The following DCC variants were observed in gnomAD, a reference collection of about 807,000 sequenced individuals.
DCC encodes the protein netrin receptor DCC.
Under a neutral mutation model 172.5 loss-of-function variants are expected in DCC, and 58 were observed. The ratio of observed to expected loss-of-function variants is 0.34; its 90% CI spans 0.27 to 0.42. The LOEUF (loss-of-function observed/expected upper bound fraction) is 0.42, where lower values mean the gene tolerates loss of function less well. Ranked by LOEUF, DCC falls within the 10% of genes least tolerant of loss-of-function variation. DCC has a pLI of 1.00. For synonymous variants in DCC, 709 were observed against 644.5 expected, an observed-to-expected ratio of 1.10 and a Z score of -1.52; for missense variants, 1,740 against 1,791.0, an observed-to-expected ratio of 0.97 and a Z score of 0.51.
At chr18:52,651,510 T>C (rs2035130465) in intron 1 of DCC, among the ~76,000 whole-genome samples, 1 of 152,070 alleles carries the variant, frequency 6.6e-6, no homozygotes, top group African/African-American at 2.4e-5. Context: ...TTTTTTTTTT[T>C]TTTTGCAGAT....
intron 1 of DCC, among the ~76,000 whole-genome samples, chr18:52,731,347 G>A (rs1030882765): frequency 6.6e-6 from 1 of 152,194 alleles, no homozygotes; most frequent in Non-Finnish European, 1.5e-5. Context: ...TGAGGAATGA[G>A]GGAGTAGGCT....
At chr18:53,218,852 AATAC>A (rs1049895825) in intron 12 of DCC, among the ~76,000 whole-genome samples, 1 of 152,186 alleles carries the variant, frequency 6.6e-6, no homozygotes, top group African/African-American at 2.4e-5. Flanking sequence ...ATATATTTCA[AATAC>A]ATACTACAAC....
chr18:52,770,334 G>T (rs1364460654), intron 2 of DCC, among the ~76,000 whole-genome samples: 6 of 152,104 alleles, frequency 3.9e-5, no homozygotes, highest in Non-Finnish European at 5.9e-5. Context: ...TTAGCTCATT[G>T]CTCTGTTCAT....
At chr18:53,392,784 A>G (rs1220514645) in intron 17 of DCC, among the ~76,000 whole-genome samples, 1 of 152,220 alleles carries the variant, frequency 6.6e-6, no homozygotes, top group Non-Finnish European at 1.5e-5. Context: ...CTTACTACAT[A>G]TAATTTTAGG....
intron 1 of DCC, among the ~76,000 whole-genome samples, chr18:52,590,876 C>G (rs902610360): frequency 7.2e-5 from 11 of 152,182 alleles, no homozygotes; most frequent in African/African-American, 1.9e-4. Context: ...TTTTCTTTTT[C>G]CTAGTTAAAA....
intron 12 of DCC, among the ~76,000 whole-genome samples, chr18:53,252,887 T>C (rs1027887685): frequency 1.3e-5 from 2 of 152,014 alleles, no homozygotes; most frequent in Admixed American, 6.6e-5. Flanking sequence ...CTGCATCCAA[T>C]GCTGTAATTT....
At chr18:52,573,182 G>A (rs1143765) in intron 1 of DCC, among the ~76,000 whole-genome samples, 135,044 of 152,068 alleles carry the variant, frequency 0.89, 60,105 homozygotes, top group East Asian at 1. Context: ...AATCTTGTAT[G>A]GTTAATAATA....
At chr18:53,039,588 G>T (rs1189879358) in intron 5 of DCC, among the ~76,000 whole-genome samples, 1 of 151,968 alleles carries the variant, frequency 6.6e-6, no homozygotes, top group Non-Finnish European at 1.5e-5. Flanking sequence ...CTGTGGCAGA[G>T]GTTGGAAAGA....
chr18:52,642,071 T>C lies in DCC; in HGVS notation c.92-109983T>C, dbSNP rs1206411117. On this transcript the variant is annotated intron_variant, in intron 1 of 28. Transcript: ENST00000442544. ...ACTGTGGTGTGTGTGTGTATATATA[T>C]ATATATATACACACACACACACACA... Among the ~76,000 whole-genome samples the C allele has an allele frequency of 2.8e-3, 25 of 9,036 alleles. No individual in the cohort carries two copies. The South Asian group carries it at 0.076, about 28-fold the overall frequency. The allele number at this position is 9,036 out of a possible 152,430, so 5.9% of individuals were successfully genotyped here. A position where few individuals can be genotyped will look rare whatever the true frequency, so the allele number is the denominator to read the frequency against.
At chr18:52,709,502 C>G (rs2036260714) in intron 1 of DCC, among the ~76,000 whole-genome samples, 2 of 152,160 alleles carry the variant, frequency 1.3e-5, no homozygotes, top group South Asian at 4.1e-4. Context: ...TGTCAGTCAG[C>G]AGTGACATCT....
At chr18:52,916,159 G>A (rs867986239) in intron 3 of DCC, among the ~76,000 whole-genome samples, 2 of 150,928 alleles carry the variant, frequency 1.3e-5, no homozygotes, top group African/African-American at 4.9e-5. Context: ...AATGGGTTTT[G>A]CATGGTAAAC....
At chr18:53,450,317 T>G (rs2045392885) in intron 22 of DCC, among the ~76,000 whole-genome samples, 183 bp from the exon 23 acceptor site, 2 of 152,164 alleles carry the variant, frequency 1.3e-5, no homozygotes, top group Admixed American at 1.3e-4. Context: ...GCATAGGTTT[T>G]TATTTATATT....
chr18:53,274,122 A>G (rs1419695248), intron 12 of DCC, among the ~76,000 whole-genome samples: 1 of 152,162 alleles, frequency 6.6e-6, no homozygotes, highest in Admixed American at 6.5e-5. Flanking sequence ...TCTCAGTGAC[A>G]CTATCACAAA....
chr18:52,594,500 T>G (rs2033867515), intron 1 of DCC, among the ~76,000 whole-genome samples: 1 of 152,212 alleles, frequency 6.6e-6, no homozygotes. Context: ...CATTGTTCCA[T>G]TTTTTGTTAC....
intron 2 of DCC, among the ~76,000 whole-genome samples, chr18:52,839,960 AT>A (rs1453567072): frequency 6.6e-6 from 1 of 152,198 alleles, no homozygotes; most frequent in Admixed American, 6.5e-5. Flanking sequence ...AGGCCAATGG[AT>A]TGGCTCTAGC....
At chr18:53,449,485 G>A (rs997025797) in intron 22 of DCC, among the ~76,000 whole-genome samples, 1 of 152,182 alleles carries the variant, frequency 6.6e-6, no homozygotes, top group Non-Finnish European at 1.5e-5. Flanking sequence ...TGAACCCGGT[G>A]GCTGCTTTTA....
intron 27 of DCC, among the ~76,000 whole-genome samples, chr18:53,514,769 T>C (rs1244662761): frequency 1.3e-5 from 2 of 152,094 alleles, no homozygotes; most frequent in Non-Finnish European, 2.9e-5. Context: ...AATCTCTGAA[T>C]AGACCAATAA....
chr18:52,646,616 G>T (rs773658018), intron 1 of DCC, among the ~76,000 whole-genome samples: 1 of 152,174 alleles, frequency 6.6e-6, no homozygotes, highest in East Asian at 1.9e-4. Context: ...CTTAGGGAAA[G>T]ATTTACTTAT....
chr18:52,688,728 T>C (rs1012196267), intron 1 of DCC, among the ~76,000 whole-genome samples: 1 of 152,170 alleles, frequency 6.6e-6, no homozygotes, highest in Non-Finnish European at 1.5e-5. Flanking sequence ...ACTATTTTTA[T>C]GTATTTTATA....
Sources: allele counts gnomAD v4.1 joint callset (sites outside exome capture counted in the v4.1 genomes callset), GRCh38; gene constraint gnomAD v4.1.1; transcripts MANE v1.5; gene names NCBI Gene and HGNC (gene_info 2026-07-23, HGNC 2026-07-21).